Variants in DOCK1 observed in about 807,000 individuals in gnomAD.
DOCK1 encodes dedicator of cytokinesis protein 1.
A neutral mutation model predicts 262.7 loss-of-function variants in DOCK1; 138 were observed. That is an observed-to-expected ratio of 0.53 (90% CI 0.46 to 0.61). DOCK1 has a LOEUF of 0.61. Ranked by LOEUF, DOCK1 falls within the 20% of genes least tolerant of loss-of-function variation. The probability of loss-of-function intolerance (pLI) is 0.00; values close to 1 mark genes in which losing one functional copy is unlikely to be tolerated. For missense variants in DOCK1, 1,908 were observed against 2,370.7 expected, an observed-to-expected ratio of 0.80 and a Z score of 4.05; for synonymous variants, 866 against 867.4, an observed-to-expected ratio of 1.00 and a Z score of 0.03.
chr10:127,345,534 T>C (rs1019549712), intron 31 of DOCK1, among the ~76,000 whole-genome samples: 2 of 152,228 alleles, frequency 1.3e-5, no homozygotes, highest in Non-Finnish European at 2.9e-5. Context: ...CCTTCAGGCC[T>C]CCTCAGCTGG....
At chr10:127,093,559 G>T (rs2047713408) in intron 23 of DOCK1, among the ~76,000 whole-genome samples, 1 of 151,778 alleles carries the variant, frequency 6.6e-6, no homozygotes, top group Non-Finnish European at 1.5e-5. Context: ...TCGCTATGTT[G>T]CCTTGGCTGG....
intron 48 of DOCK1, among the ~76,000 whole-genome samples, chr10:127,434,170 CCCTT>C (rs2069502818): frequency 6.6e-6 from 1 of 151,352 alleles, no homozygotes; most frequent in South Asian, 2.1e-4. Context: ...TTCTTTTCCT[CCCTT>C]CCTCATTTTT....
chr10:127,174,177 GCTTGCTAAA>G (rs1194596315), intron 27 of DOCK1, among the ~76,000 whole-genome samples: 1 of 152,226 alleles, frequency 6.6e-6, no homozygotes, highest in Non-Finnish European at 1.5e-5. Context: ...CTGGCTTCTA[GCTTGCTAAA>G]CCCAGGGCTC....
chr10:127,042,448 G>A (rs880271), intron 19 of DOCK1, among the ~76,000 whole-genome samples, 177 bp from the exon 20 acceptor site: 122,580 of 151,960 alleles, frequency 0.81, 49,723 homozygotes, highest in Admixed American at 0.87. Flanking sequence ...TTCTGAATTC[G>A]CTCATCCAAA....
chr10:127,052,636 T>C, intron 21 of DOCK1, 45 bp from the exon 22 acceptor site: 13 of 1,613,090 alleles, frequency 8.1e-6, no homozygotes, highest in African/African-American at 1.3e-5. Flanking sequence ...ATTTGAGATA[T>C]TTTCCTTTCC....
rs369210320 is a variant in DOCK1, at chr10:126,905,916, T to G, written c.46+353T>G. Among the ~76,000 whole-genome samples, 18 of 152,146 alleles carry G rather than the reference T, an allele frequency of 1.2e-4. No homozygotes were observed. In the East Asian group the frequency reaches 2.4e-3, roughly 20 times the overall value. On this transcript the variant is annotated intron_variant, in intron 1 of 51. Coordinates refer to ENST00000623213, the MANE Select transcript of DOCK1 (RefSeq NM_001290223.2). ...AACTCCCCGGCCCCGGCCGCTGCTATCTGCGCGGCTGGGCCCGTCAGGGAA... is the reference window on the plus strand; with the variant it reads ...AACTCCCCGGCCCCGGCCGCTGCTAGCTGCGCGGCTGGGCCCGTCAGGGAA...
At chr10:127,186,250 C>T (rs903725580) in intron 27 of DOCK1, among the ~76,000 whole-genome samples, 4 of 152,120 alleles carry the variant, frequency 2.6e-5, no homozygotes, top group South Asian at 2.1e-4. Flanking sequence ...AGGTGTTTAA[C>T]GGACTCTCCG....
intron 35 of DOCK1, among the ~76,000 whole-genome samples, chr10:127,375,399 C>T (rs555160101): frequency 2.4e-4 from 37 of 152,350 alleles, no homozygotes; most frequent in African/African-American, 8.9e-4. Context: ...CCCTTCTCTG[C>T]CCAGCCACTG....
chr10:127,132,640 G>C (rs2050393319), intron 27 of DOCK1, among the ~76,000 whole-genome samples: 1 of 152,128 alleles, frequency 6.6e-6, no homozygotes, highest in Non-Finnish European at 1.5e-5. Context: ...GTGTGCAGGT[G>C]GGCTGGCCAG....
intron 1 of DOCK1, among the ~76,000 whole-genome samples, chr10:126,920,878 C>A (rs548270203): frequency 6.6e-6 from 1 of 152,266 alleles, no homozygotes; most frequent in South Asian, 2.1e-4. Flanking sequence ...GTTCCTTCTC[C>A]ACTCCCACTG....
chr10:127,120,110 T>A (rs938076919), intron 25 of DOCK1, among the ~76,000 whole-genome samples: 2 of 152,196 alleles, frequency 1.3e-5, no homozygotes, highest in African/African-American at 4.8e-5. Flanking sequence ...TATAGCTCTG[T>A]GCATGGCAGA....
intron 46 of DOCK1, among the ~76,000 whole-genome samples, chr10:127,420,548 G>A (rs1210173845): frequency 6.6e-6 from 1 of 152,106 alleles, no homozygotes; most frequent in Non-Finnish European, 1.5e-5. Context: ...TGAGGGAGGT[G>A]GGGGCAAAGG....
At position 127,362,058 on chromosome 10, in the gene DOCK1, TCCAAGGTCA is replaced by T; in HGVS notation, c.3284-5_3287del. 1 of 1,599,328 alleles carries T rather than the reference TCCAAGGTCA, an allele frequency of 6.3e-7. No homozygotes were observed. Among genetic ancestry groups the T allele is most frequent in the Admixed American group, 1.8e-5 (1 of 56,104 alleles). The stretch of plus-strand genomic sequence containing the variant: ...ATTTCTGAATATTGTACCTCTTTTT[TCCAAGGTCA>T]ACACAAGATAAAGTTCATTCCAGAA... On this transcript the variant is annotated splice_acceptor_variant and splice_polypyrimidine_tract_variant and coding_sequence_variant and intron_variant, in exon 33 of 52. Coordinates refer to ENST00000623213, the MANE Select transcript of DOCK1 (RefSeq NM_001290223.2). LOFTEE classifies it high-confidence loss of function.
intron 38 of DOCK1, among the ~76,000 whole-genome samples, chr10:127,391,167 G>A (rs1205738682): frequency 6.6e-6 from 1 of 152,228 alleles, no homozygotes; most frequent in Non-Finnish European, 1.5e-5. Context: ...AGAATAAAAT[G>A]TATGTCGAAA....
At chr10:127,115,925 A>G (rs2049151960) in intron 25 of DOCK1, among the ~76,000 whole-genome samples, 1 of 152,232 alleles carries the variant, frequency 6.6e-6, no homozygotes, top group South Asian at 2.1e-4. Context: ...TGGCCAAAGC[A>G]GTGGACAGGT....
chr10:127,354,096 AAC>A (rs1251722102), intron 31 of DOCK1, among the ~76,000 whole-genome samples: 1 of 152,202 alleles, frequency 6.6e-6, no homozygotes, highest in Admixed American at 6.5e-5. Flanking sequence ...TTACTCATGA[AAC>A]ACACACCTCC....
intron 27 of DOCK1, among the ~76,000 whole-genome samples, chr10:127,202,280 G>A (rs534230969): frequency 5.9e-4 from 90 of 151,672 alleles, no homozygotes; most frequent in Non-Finnish European, 1.0e-3. Context: ...CCAAGATCGC[G>A]CCATGGCATT....
chr10:127,258,220 C>T (rs979360750), intron 29 of DOCK1, among the ~76,000 whole-genome samples: 2 of 152,170 alleles, frequency 1.3e-5, no homozygotes, highest in African/African-American at 2.4e-5. Flanking sequence ...TCCACCACCA[C>T]CGTGAAGCCA....
At chr10:127,321,236 C>T (rs1228672073) in intron 29 of DOCK1, among the ~76,000 whole-genome samples, 2 of 89,782 alleles carry the variant, frequency 2.2e-5, no homozygotes, top group African/African-American at 4.1e-5. Flanking sequence ...CTCCCCTCCC[C>T]GTCCTCCCCC....
Sources: allele counts gnomAD v4.1 joint callset (sites outside exome capture counted in the v4.1 genomes callset), GRCh38; gene constraint gnomAD v4.1.1; transcripts MANE v1.5; gene names NCBI Gene and HGNC (gene_info 2026-07-23, HGNC 2026-07-21).